The following OR8S1 variants were observed in gnomAD, a reference collection of about 807,000 sequenced individuals.
The protein encoded by OR8S1 is olfactory receptor 8S1.
For missense variants in OR8S1, 362 were observed against 372.1 expected (o/e 0.97, Z 0.22); for synonymous variants, 150 against 151.4 (o/e 0.99, Z 0.07).
chr12:48,526,253 C>T, exon 1 of OR8S1: 1 of 1,614,178 alleles, frequency 6.2e-7, no homozygotes, highest in Admixed American at 1.7e-5. Context: ...CCTACATGGG[C>T]TGGGAAACTT....
Sources: allele counts gnomAD v4.1 joint callset, GRCh38; gene constraint gnomAD v4.1.1; transcripts MANE v1.5; gene names NCBI Gene and HGNC (gene_info 2026-07-23, HGNC 2026-07-21).